Variants in FAM240C observed in about 807,000 individuals in gnomAD.
The protein encoded by FAM240C is protein FAM240C.
Under a neutral mutation model 10.0 loss-of-function variants are expected in FAM240C, and 14 were observed. The observed-to-expected ratio is 1.40, with a 90% CI of 0.92 to 2.19. FAM240C has a LOEUF of 2.19. FAM240C is among the 30% of genes most tolerant of loss of function. FAM240C has a pLI of 0.00. For synonymous variants in FAM240C, 49 were observed against 44.3 expected (o/e 1.11, Z -0.42); for missense variants, 154 against 122.3 (o/e 1.26, Z -1.22).
chr2:241,896,435 C>A (rs1435211100), intron 2 of FAM240C, among the ~76,000 whole-genome samples: 1 of 148,424 alleles, frequency 6.7e-6, no homozygotes, highest in African/African-American at 2.5e-5. Context: ...GACATTTCCT[C>A]CTGGAAAAGT....
intron 2 of FAM240C, among the ~76,000 whole-genome samples, chr2:241,896,853 G>T (rs113428191): frequency 2.1e-5 from 3 of 145,412 alleles, no homozygotes; most frequent in Non-Finnish European, 4.6e-5. Flanking sequence ...GGGTGAAGGG[G>T]TGTGGGTGTG....
upstream of FAM240C, chr2:241,900,561 C>T (rs909823221): frequency 7.0e-5 from 41 of 584,192 alleles, no homozygotes; most frequent in African/African-American, 1.1e-4. The surrounding 1 kb of genome is among the most constrained non-coding windows in gnomAD (Gnocchi z 4.5). Flanking sequence ...GCTGTCCGTC[C>T]GGAGGGCAGC....
At chr2:241,896,503 GGGGGTGTGGGTGTTGGGGTGTGGGTGTT>G in intron 2 of FAM240C, among the ~76,000 whole-genome samples, 1 of 28,618 alleles carries the variant, frequency 3.5e-5, no homozygotes, top group African/African-American at 1.5e-4. Flanking sequence ...TGTGGGTGAA[GGGGGTGTGGGTGTTGGGGTGTGGGTGTT>G]GGGGTGTGGG....
intron 2 of FAM240C, among the ~76,000 whole-genome samples, chr2:241,894,917 C>T (rs569879724): frequency 9.2e-5 from 14 of 152,334 alleles, no homozygotes; most frequent in African/African-American, 3.1e-4. Context: ...CACGCATGGG[C>T]GGACCTGGCG....
chr2:241,894,525 C>G (rs2124914766), intron 2 of FAM240C, among the ~76,000 whole-genome samples, 186 bp from the exon 3 acceptor site: 1 of 138,802 alleles, frequency 7.2e-6, no homozygotes, highest in Non-Finnish European at 1.5e-5. Context: ...TCCCAGGGCC[C>G]TGGGATCTCG....
chr2:241,896,682 TGAAGGG>T, intron 2 of FAM240C, among the ~76,000 whole-genome samples: 2 of 25,184 alleles, frequency 7.9e-5, no homozygotes, highest in African/African-American at 1.2e-4. Flanking sequence ...GGGGTGTGGG[TGAAGGG>T]GTGTGGGTGT....
intron 2 of FAM240C, among the ~76,000 whole-genome samples, 171 bp from the exon 3 acceptor site, chr2:241,894,510 G>A (rs1334180688): frequency 6.8e-6 from 1 of 147,958 alleles, no homozygotes; most frequent in African/African-American, 2.5e-5. Flanking sequence ...TGACCTTGCT[G>A]GGTCTCCCAG....
At chr2:241,899,654 C>G (rs1019474546) in intron 1 of FAM240C, among the ~76,000 whole-genome samples, 1 of 152,226 alleles carries the variant, frequency 6.6e-6, no homozygotes, top group Non-Finnish European at 1.5e-5. Flanking sequence ...CAGAGAGCAG[C>G]GTGGGCGTTA....
chr2:241,895,964 G>A (rs977686527), intron 2 of FAM240C, among the ~76,000 whole-genome samples: 5 of 21,842 alleles, frequency 2.3e-4, no homozygotes, highest in African/African-American at 1.3e-3. Flanking sequence ...ACTCGGTGGT[G>A]GGGGGGGGCC....
At chr2:241,897,752 GAGACAGGGT>G (rs1314270775) in intron 1 of FAM240C, among the ~76,000 whole-genome samples, 1 of 152,176 alleles carries the variant, frequency 6.6e-6, no homozygotes, top group Non-Finnish European at 1.5e-5. Flanking sequence ...CCTTGTTTTT[GAGACAGGGT>G]CTCATTCCCA....
rs143617511 is a variant in FAM240C at position 241,896,275 on chromosome 2, G to A, written c.161+911C>T. Reference sequence around the variant, plus strand: ...GGGTCGGCTCAGGGTCACCCACTCAGCACCCATAGACCCCTGGCCTTGGCC... The same window carrying A: ...GGGTCGGCTCAGGGTCACCCACTCAACACCCATAGACCCCTGGCCTTGGCC... On this transcript the variant is annotated intron_variant, in intron 2 of 2. Transcript: ENST00000404031. Among the ~76,000 whole-genome samples, 832 of 152,308 alleles carry A rather than the reference G, an allele frequency of 5.5e-3. 1 individual carries two copies. Among genetic ancestry groups the A allele is most frequent in the Middle Eastern group, 0.01 (3 of 294 alleles).
chr2:241,901,024 C>T (rs1329801010), upstream of FAM240C, among the ~76,000 whole-genome samples: 5 of 152,064 alleles, frequency 3.3e-5, no homozygotes, highest in African/African-American at 4.8e-5. This position sits in a 1 kb window ranked among gnomAD's most constrained non-coding sequence, Gnocchi z 4.9. Flanking sequence ...GGTCCAGAGA[C>T]GGTGAGATGA....
At chr2:241,902,116 T>C (rs1166733370), upstream of FAM240C, among the ~76,000 whole-genome samples, 2 of 152,128 alleles carry the variant, frequency 1.3e-5, no homozygotes, top group Non-Finnish European at 2.9e-5. This position sits in a 1 kb window ranked among gnomAD's most constrained non-coding sequence, Gnocchi z 7.1. Flanking sequence ...GAGAATGCAT[T>C]TGCCGCAGGC....
chr2:241,894,190 C>G lies in FAM240C; in HGVS notation c.*23G>C. The G allele has an allele frequency of 5.2e-6, 8 of 1,543,960 alleles. No homozygotes were observed. Among genetic ancestry groups the G allele is most frequent in the Non-Finnish European group, 6.1e-6 (7 of 1,142,058 alleles). On this transcript the variant is annotated 3_prime_UTR_variant, in exon 3 of 3. Transcript: ENST00000404031. ...CTCCATGACCCTCCGGAAGCTCATG[C>G]AGAGTCTGGAGCTCGTGGGCCCTCA... is the stretch of plus-strand genomic sequence containing the variant.
chr2:241,900,906 G>A (rs1394119871), upstream of FAM240C, among the ~76,000 whole-genome samples: 1 of 152,078 alleles, frequency 6.6e-6, no homozygotes, highest in Non-Finnish European at 1.5e-5. The surrounding 1 kb of genome is among the most constrained non-coding windows in gnomAD (Gnocchi z 4.5). Context: ...GCTGGCTCTC[G>A]CGGTGACAGG....
At chr2:241,899,975 G>A (rs1358528012) in intron 1 of FAM240C, among the ~76,000 whole-genome samples, 1 of 152,156 alleles carries the variant, frequency 6.6e-6, no homozygotes, top group Non-Finnish European at 1.5e-5. Flanking sequence ...GCTAAGGCAG[G>A]AGAATGGCGT....
chr2:241,897,183 C>T lies in FAM240C; in HGVS notation c.161+3G>A. 1.9e-6 allele frequency: 3 copies of T among 1,549,568 alleles called. No homozygotes were observed. Among genetic ancestry groups the T allele is most frequent in the East Asian group, 2.4e-5 (1 of 40,922 alleles). Reference sequence around the variant, plus strand: ...CCCCGATGCACTGCACACCCCGACTCACTTGTTCAGAGCGCTTCTGCGAAC... The same window carrying T: ...CCCCGATGCACTGCACACCCCGACTTACTTGTTCAGAGCGCTTCTGCGAAC... On this transcript the variant is annotated splice_donor_region_variant and intron_variant, in intron 2 of 2. Coordinates refer to ENST00000404031, the MANE Select transcript of FAM240C (RefSeq NM_001382368.1).
At position 241,897,290 on chromosome 2, in the gene FAM240C, T is replaced by A; in HGVS notation, c.57A>T (p.Ala19=). 1 of 1,549,846 alleles carries A rather than the reference T, an allele frequency of 6.5e-7. No individual in the cohort carries two copies. Among genetic ancestry groups the A allele is most frequent in the Non-Finnish European group, 8.7e-7 (1 of 1,146,522 alleles). The change falls in exon 2 of 3, where the codon GCA becomes GCT. Residue 19 remains alanine, a synonymous_variant. Coordinates refer to ENST00000404031, the MANE Select transcript of FAM240C (RefSeq NM_001382368.1). ...ACATCTTTATCCCGCCTGAATCGTA[T>A]GCTACTCTTCCAGGATTCTTAAGAG... ...SLTLKNPGRV[A]YDSGGIKMFW... is the part of the protein sequence containing the mutation.
intron 2 of FAM240C, among the ~76,000 whole-genome samples, chr2:241,894,811 G>A (rs1701753258): frequency 6.6e-6 from 1 of 152,190 alleles, no homozygotes; most frequent in Non-Finnish European, 1.5e-5. Flanking sequence ...CACCCTGCCC[G>A]GCTGCCTGTG....
Sources: allele counts gnomAD v4.1 joint callset (sites outside exome capture counted in the v4.1 genomes callset), GRCh38; gene constraint gnomAD v4.1.1; non-coding constraint Gnocchi (gnomAD v3.1); transcripts MANE v1.5; gene names NCBI Gene and HGNC (gene_info 2026-07-23, HGNC 2026-07-21).